Variants in FRMD4A observed in about 807,000 individuals in gnomAD.
FRMD4A encodes FERM domain-containing protein 4A.
A neutral mutation model predicts 129.1 loss-of-function variants in FRMD4A; 29 were observed. The observed-to-expected ratio is 0.22, with a 90% CI of 0.17 to 0.31. FRMD4A has a LOEUF of 0.31. Among genes scored for constraint, FRMD4A ranks in the 10% least tolerant of loss-of-function variants. The pLI, the probability that FRMD4A is intolerant of heterozygous loss-of-function variation, is 1.00. For missense variants in FRMD4A, 1,272 were observed against 1,375.8 expected, an observed-to-expected ratio of 0.92 and a Z score of 1.19; for synonymous variants, 634 against 571.6, an observed-to-expected ratio of 1.11 and a Z score of -1.56.
At chr10:14,178,657 T>G (rs529200930) in intron 2 of FRMD4A, among the ~76,000 whole-genome samples, 1 of 152,172 alleles carries the variant, frequency 6.6e-6, no homozygotes, top group African/African-American at 2.4e-5. Context: ...CTAACACCCT[T>G]GACATTGATC....
chr10:13,708,690 G>A (rs557969571), intron 12 of FRMD4A, among the ~76,000 whole-genome samples: 227 of 152,298 alleles, frequency 1.5e-3, no homozygotes, highest in Non-Finnish European at 2.8e-3. Flanking sequence ...GCGCCTTAGC[G>A]GAGTCTATTA....
intron 2 of FRMD4A, among the ~76,000 whole-genome samples, chr10:14,132,554 G>A (rs1458710791): frequency 6.6e-6 from 1 of 152,186 alleles, no homozygotes; most frequent in Non-Finnish European, 1.5e-5. Flanking sequence ...ACCTGGGAAA[G>A]TGATGTGACT....
At chr10:14,037,329 T>G (rs1295922834) in intron 2 of FRMD4A, among the ~76,000 whole-genome samples, 2 of 152,196 alleles carry the variant, frequency 1.3e-5, no homozygotes, top group Non-Finnish European at 2.9e-5. Context: ...GCGATTCTCC[T>G]GCCTCAGCCT....
At chr10:14,212,975 G>T (rs1454659995) in intron 2 of FRMD4A, among the ~76,000 whole-genome samples, 1 of 152,212 alleles carries the variant, frequency 6.6e-6, no homozygotes, top group Non-Finnish European at 1.5e-5. Context: ...AGTGGCTCAC[G>T]CCTGTAATCC....
chr10:13,869,752 T>TA (rs1491548995), intron 2 of FRMD4A, among the ~76,000 whole-genome samples: 3 of 152,204 alleles, frequency 2.0e-5, no homozygotes, highest in Non-Finnish European at 2.9e-5. Context: ...CTGCCACTGT[T>TA]AGAGTGTTTT....
At chr10:13,977,563 T>C (rs1399091278) in intron 2 of FRMD4A, among the ~76,000 whole-genome samples, 2 of 152,246 alleles carry the variant, frequency 1.3e-5, no homozygotes, top group East Asian at 3.8e-4. Context: ...GGTTTCTTAG[T>C]TTAATCATAG....
intron 2 of FRMD4A, among the ~76,000 whole-genome samples, chr10:14,281,995 G>A (rs749937649): frequency 6.6e-5 from 10 of 152,134 alleles, no homozygotes; most frequent in Admixed American, 2.0e-4. Flanking sequence ...TACACGTGGC[G>A]GGGGAGGCCT....
At chr10:13,717,727 G>GC (rs1336270617) in intron 12 of FRMD4A, among the ~76,000 whole-genome samples, 2 of 148,820 alleles carry the variant, frequency 1.3e-5, no homozygotes, top group Non-Finnish European at 3.0e-5. Flanking sequence ...GTGGCGGGGG[G>GC]GGTTGGCAGT....
At chr10:14,178,832 A>G (rs1043421364) in intron 2 of FRMD4A, among the ~76,000 whole-genome samples, 2 of 152,220 alleles carry the variant, frequency 1.3e-5, no homozygotes, top group Non-Finnish European at 2.9e-5. Flanking sequence ...TGAAATATTA[A>G]TTAAGTTTAC....
chr10:14,017,783 G>A (rs376378817), intron 2 of FRMD4A, among the ~76,000 whole-genome samples: 2 of 152,316 alleles, frequency 1.3e-5, no homozygotes, highest in African/African-American at 2.4e-5. Context: ...GATGAGTCAC[G>A]TGGTATATTT....
chr10:13,721,032 T>C (rs570872826), intron 12 of FRMD4A, among the ~76,000 whole-genome samples: 8 of 152,288 alleles, frequency 5.3e-5, no homozygotes, highest in East Asian at 1.9e-4. Context: ...GGCAAATCCA[T>C]AGGGACACAA....
chr10:14,125,767 A>G (rs1165995700), intron 2 of FRMD4A, among the ~76,000 whole-genome samples: 1 of 152,172 alleles, frequency 6.6e-6, no homozygotes, highest in Non-Finnish European at 1.5e-5. Context: ...ACGCGCACAC[A>G]TACACGGCTC....
intron 2 of FRMD4A, among the ~76,000 whole-genome samples, chr10:13,996,271 C>G (rs560978589): frequency 6.6e-6 from 1 of 152,298 alleles, no homozygotes; most frequent in South Asian, 2.1e-4. Context: ...ATATGGGATT[C>G]ACATCTTAAT....
intron 2 of FRMD4A, among the ~76,000 whole-genome samples, chr10:13,889,598 A>G (rs2094670652): frequency 1.3e-5 from 2 of 152,218 alleles, no homozygotes; most frequent in Non-Finnish European, 2.9e-5. Context: ...AACCCGTGCC[A>G]TAAATAACAA....
chr10:13,900,113 A>C (rs897496174), intron 2 of FRMD4A, among the ~76,000 whole-genome samples: 3 of 151,862 alleles, frequency 2.0e-5, no homozygotes, highest in African/African-American at 7.3e-5. Context: ...TTTGCTTCCT[A>C]CTCCCAGGTC....
intron 2 of FRMD4A, among the ~76,000 whole-genome samples, chr10:14,289,881 A>G (rs1845798254): frequency 6.6e-6 from 1 of 152,068 alleles, no homozygotes; most frequent in Non-Finnish European, 1.5e-5. Flanking sequence ...ACACACAAAA[A>G]AAACTCTTAG....
At chr10:14,204,229 G>C (rs1203714795) in intron 2 of FRMD4A, among the ~76,000 whole-genome samples, 2 of 147,770 alleles carry the variant, frequency 1.4e-5, no homozygotes, top group African/African-American at 2.6e-5. Flanking sequence ...TTCAAGACCA[G>C]CCTGGGTCTT....
chr10:13,956,891 A>C (rs941611066), intron 2 of FRMD4A, among the ~76,000 whole-genome samples: 3 of 152,224 alleles, frequency 2.0e-5, no homozygotes, highest in African/African-American at 7.2e-5. Context: ...GGGAAAGTGT[A>C]GACGTTGAGC....
chr10:14,108,017 T>G (rs1837676111), intron 2 of FRMD4A, among the ~76,000 whole-genome samples: 1 of 152,214 alleles, frequency 6.6e-6, no homozygotes, highest in African/African-American at 2.4e-5. Flanking sequence ...GCTATACATG[T>G]TGTCAAATTC....
Sources: allele counts gnomAD v4.1 joint callset (sites outside exome capture counted in the v4.1 genomes callset), GRCh38; gene constraint gnomAD v4.1.1; transcripts MANE v1.5; gene names NCBI Gene and HGNC (gene_info 2026-07-23, HGNC 2026-07-21).